Variants in CSGALNACT1 observed in about 807,000 individuals in gnomAD.
CSGALNACT1 encodes the protein chondroitin sulfate N-acetylgalactosaminyltransferase 1, also known as beta4GalNAcT-1.
A neutral mutation model predicts 51.0 loss-of-function variants in CSGALNACT1; 52 were observed. The observed-to-expected ratio is 1.02, with a 90% CI of 0.82 to 1.29. The LOEUF (loss-of-function observed/expected upper bound fraction) is 1.29, where lower values mean the gene tolerates loss of function less well. Ranked by LOEUF, CSGALNACT1 falls within the 50% of genes most tolerant of loss-of-function variation. CSGALNACT1 has a pLI of 0.00. For missense variants in CSGALNACT1, 935 were observed against 679.2 expected (o/e 1.38, Z -4.19); for synonymous variants, 341 against 254.4 (o/e 1.34, Z -3.24).
At chr8:19,694,581 G>A (rs192138773) in intron 1 of CSGALNACT1, among the ~76,000 whole-genome samples, 114 of 152,324 alleles carry the variant, frequency 7.5e-4, no homozygotes, top group African/African-American at 2.6e-3. Flanking sequence ...TATATTTATA[G>A]GTGTTGCATA....
At chr8:19,686,917 A>G (rs1365664517), upstream of CSGALNACT1, among the ~76,000 whole-genome samples, 1 of 152,174 alleles carries the variant, frequency 6.6e-6, no homozygotes, top group Non-Finnish European at 1.5e-5. Context: ...CTCCATGGCC[A>G]ACAGTTTAAC....
chr8:19,482,294 T>G (rs891147861), intron 4 of CSGALNACT1, among the ~76,000 whole-genome samples: 1 of 152,244 alleles, frequency 6.6e-6, no homozygotes, highest in African/African-American at 2.4e-5. Flanking sequence ...TGATTTTAAT[T>G]AATTTTTGTT....
At chr8:19,649,734 G>C (rs1018584604) in intron 1 of CSGALNACT1, among the ~76,000 whole-genome samples, 7 of 141,506 alleles carry the variant, frequency 4.9e-5, no homozygotes, top group Non-Finnish European at 1.1e-4. Flanking sequence ...GTTTACTACA[G>C]ATTAGCCAAG....
exon 10 of CSGALNACT1, chr8:19,404,389 T>C (rs1233302593): frequency 2.2e-6 from 1 of 453,598 alleles, no homozygotes; most frequent in Admixed American, 2.4e-5. Flanking sequence ...GGCTAATAAT[T>C]TTCACATGAA....
At chr8:19,746,836 C>T (rs2064698266) in intron 1 of CSGALNACT1, among the ~76,000 whole-genome samples, 1 of 152,288 alleles carries the variant, frequency 6.6e-6, no homozygotes, top group East Asian at 1.9e-4. Flanking sequence ...TTATTCAAAG[C>T]TTTGCCATTC....
chr8:19,634,118 A>C (rs1446110983), intron 1 of CSGALNACT1, among the ~76,000 whole-genome samples: 3 of 152,232 alleles, frequency 2.0e-5, no homozygotes, highest in Non-Finnish European at 4.4e-5. Context: ...AATTTTACCT[A>C]AAAGTTAAGT....
intron 3 of CSGALNACT1, among the ~76,000 whole-genome samples, chr8:19,541,055 A>G (rs1247233729): frequency 1.3e-5 from 2 of 152,010 alleles, no homozygotes; most frequent in Admixed American, 6.6e-5. Flanking sequence ...TGCATGTGGC[A>G]AAATTATACT....
intron 1 of CSGALNACT1, among the ~76,000 whole-genome samples, chr8:19,673,144 CTTTCTGA>C (rs2154199030): frequency 6.6e-6 from 1 of 152,344 alleles, no homozygotes; most frequent in Non-Finnish European, 1.5e-5. Context: ...GACCATTGTC[CTTTCTGA>C]GAAGGACCCA....
At chr8:19,424,248 A>C (rs1451169724) in intron 6 of CSGALNACT1, among the ~76,000 whole-genome samples, 1 of 152,150 alleles carries the variant, frequency 6.6e-6, no homozygotes, top group Non-Finnish European at 1.5e-5. Context: ...ACACTGGAGA[A>C]GGCCCAGAGT....
rs554983197 is a variant in CSGALNACT1, at chr8:19,635,468, A to G, written c.-543-33603T>C. Among the ~76,000 whole-genome samples, 3 of 152,276 alleles carry G rather than the reference A, an allele frequency of 2.0e-5. No individual in the cohort carries two copies. In the South Asian group the frequency reaches 6.2e-4, roughly 32 times the overall value. On this transcript the variant is annotated intron_variant, in intron 1 of 9. Coordinates refer to the CSGALNACT1 transcript ENST00000332246. ...AAATGGCAGATCTGAACCGCCGCAT[A>G]CATGTGGCATCTGTTAGTGTCAGGG...
intron 3 of CSGALNACT1, among the ~76,000 whole-genome samples, chr8:19,544,275 C>G (rs2085966487): frequency 6.6e-6 from 1 of 152,128 alleles, no homozygotes; most frequent in South Asian, 2.1e-4. Flanking sequence ...CCACAGTTTT[C>G]TTTCTCTAAT....
intron 1 of CSGALNACT1, among the ~76,000 whole-genome samples, chr8:19,706,900 T>C (rs1163372997): frequency 6.6e-6 from 1 of 152,158 alleles, no homozygotes; most frequent in East Asian, 1.9e-4. Context: ...GTGCTGAGAT[T>C]ACAGGTGTGA....
At chr8:19,720,982 A>C (rs2063095508) in intron 1 of CSGALNACT1, among the ~76,000 whole-genome samples, 1 of 152,204 alleles carries the variant, frequency 6.6e-6, no homozygotes, top group African/African-American at 2.4e-5. Context: ...AGGACAGAGA[A>C]GAAAACACAC....
intron 1 of CSGALNACT1, among the ~76,000 whole-genome samples, chr8:19,718,960 T>G (rs10503660): frequency 0.24 from 36,313 of 152,164 alleles, 4,484 homozygotes; most frequent in Middle Eastern, 0.35. Flanking sequence ...CTCTCACCGT[T>G]GTAAAGAGTT....
intron 3 of CSGALNACT1, among the ~76,000 whole-genome samples, chr8:19,569,516 GA>G (rs34307406): frequency 0.13 from 18,822 of 148,148 alleles, 1,427 homozygotes; most frequent in African/African-American, 0.22. Flanking sequence ...TTCTGGAGAT[GA>G]AAAAAAAAAA....
chr8:19,620,910 TG>T (rs1248476519), intron 1 of CSGALNACT1, among the ~76,000 whole-genome samples: 1 of 152,168 alleles, frequency 6.6e-6, no homozygotes, highest in Non-Finnish European at 1.5e-5. Flanking sequence ...AAGTGGGGGC[TG>T]TGAGATACTC....
At chr8:19,529,965 A>G (rs547197038) in intron 3 of CSGALNACT1, among the ~76,000 whole-genome samples, 17 of 152,324 alleles carry the variant, frequency 1.1e-4, no homozygotes, top group African/African-American at 4.1e-4. Context: ...TCACGCCTGT[A>G]ATCCTAGCAC....
chr8:19,482,508 T>C (rs13265751), intron 4 of CSGALNACT1, among the ~76,000 whole-genome samples: 116,428 of 152,018 alleles, frequency 0.77, 45,063 homozygotes, highest in East Asian at 0.86. Flanking sequence ...AATTCTTATC[T>C]CGTACTGCCT....
At chr8:19,656,526 A>C (rs1044657622) in intron 1 of CSGALNACT1, among the ~76,000 whole-genome samples, 3 of 151,962 alleles carry the variant, frequency 2.0e-5, no homozygotes, top group African/African-American at 7.3e-5. Flanking sequence ...CTGAATTTAC[A>C]CTTAAAACAC....
Sources: allele counts gnomAD v4.1 joint callset (sites outside exome capture counted in the v4.1 genomes callset), GRCh38; gene constraint gnomAD v4.1.1; transcripts MANE v1.5; gene names NCBI Gene and HGNC (gene_info 2026-07-23, HGNC 2026-07-21).